Variants in JMY observed in about 807,000 individuals in gnomAD.
The protein encoded by JMY is junction mediating and regulatory protein, p53 cofactor.
JMY carries 46 observed loss-of-function variants against 103.3 expected under a neutral mutation model. That is an observed-to-expected ratio of 0.45 (90% CI 0.35 to 0.57). The LOEUF (loss-of-function observed/expected upper bound fraction) is 0.57, where lower values mean the gene tolerates loss of function less well. Ranked by LOEUF, JMY falls within the 20% of genes least tolerant of loss-of-function variation. The pLI, the probability that JMY is intolerant of heterozygous loss-of-function variation, is 0.00. For missense variants in JMY, 1,238 were observed against 1,255.2 expected (o/e 0.99, Z 0.21); for synonymous variants, 526 against 489.3 (o/e 1.07, Z -0.99).
rs946599449 is a variant in JMY, at chr5:79,260,506, G to T, written c.1033-17404G>T. 1.4e-4 allele frequency among the ~76,000 whole-genome samples: 21 copies of T among 152,046 alleles called. No individual in the cohort carries two copies. In the East Asian group the frequency reaches 4.1e-3, roughly 29 times the overall value. On this transcript the variant is annotated intron_variant, in intron 1 of 10. Transcript: ENST00000396137. Reference sequence around the variant, plus strand: ...AGCGATCCTCCCACGTCAGCCTCCTGAGTAGCTGGGAATATGGGCATGAAC... The same window carrying T: ...AGCGATCCTCCCACGTCAGCCTCCTTAGTAGCTGGGAATATGGGCATGAAC...
At chr5:79,269,979 C>T (rs558951776) in intron 1 of JMY, among the ~76,000 whole-genome samples, 1 of 152,132 alleles carries the variant, frequency 6.6e-6, no homozygotes, top group South Asian at 2.1e-4. Flanking sequence ...GATTCTCCTG[C>T]CTCTGCCTCC....
chr5:79,319,017 T>C (rs1317805920), intron 10 of JMY, among the ~76,000 whole-genome samples: 3 of 152,196 alleles, frequency 2.0e-5, no homozygotes, highest in Non-Finnish European at 4.4e-5. Flanking sequence ...TTCACATAAA[T>C]GTGTGTTTAG....
At chr5:79,289,414 T>C (rs1179514826) in intron 2 of JMY, among the ~76,000 whole-genome samples, 2 of 152,094 alleles carry the variant, frequency 1.3e-5, no homozygotes, top group Non-Finnish European at 2.9e-5. Context: ...ATTGGCTTCA[T>C]ATATAACTTG....
In JMY at chr5:79,306,445, A is replaced by C. The variant is rs1343850731; in HGVS notation, c.1952A>C (p.His651Pro). 1.2e-6 allele frequency: 2 copies of C among 1,611,064 alleles called. No homozygotes were observed. The highest frequency in any genetic ancestry group is 1.7e-6 in the Non-Finnish European group (2 of 1,177,562). Residue 651 changes from histidine to proline, a missense_variant, in exon 7 of 11, where the codon CAT becomes CCT. Physicochemically the swap from His to Pro is moderately conservative, Grantham distance 77 (BLOSUM62 -2). Coordinates refer to ENST00000396137, the MANE Select transcript of JMY (RefSeq NM_152405.5). ...RTRIEDEYRT[H>P]HTVQLKREKL... ...CGGATTGAAGATGAATATAGAACCC[A>C]TCACACAGTACAACTAGTAAGTTTG... is the stretch of plus-strand genomic sequence containing the variant.
chr5:79,301,397 C>T (rs760399627), intron 6 of JMY, among the ~76,000 whole-genome samples: 2 of 152,182 alleles, frequency 1.3e-5, no homozygotes, highest in African/African-American at 4.8e-5. Context: ...AGCTCTCCAA[C>T]CTAGACCAAA....
At chr5:79,290,377 A>T in intron 3 of JMY, 106 bp downstream of exon 3, 1 of 687,238 alleles carries the variant, frequency 1.5e-6, no homozygotes, top group East Asian at 3.3e-5. Flanking sequence ...ATCACTCATA[A>T]TCCCAGCAAT....
In JMY at chr5:79,259,098, A is replaced by G. The variant is rs532736999; in HGVS notation, c.1033-18812A>G. Among the ~76,000 whole-genome samples the G allele has an allele frequency of 1.3e-4, 20 of 152,208 alleles. No homozygotes were observed. In the South Asian group the frequency reaches 3.9e-3, roughly 30 times the overall value. On this transcript the variant is annotated intron_variant, in intron 1 of 10. Coordinates refer to ENST00000396137, the MANE Select transcript of JMY (RefSeq NM_152405.5). ...GTGTTCAGCTTTCAGCAGAGAGGGTAGCTCCTCTCTGAAGCTGGTTGTCCC... is the reference window on the plus strand; with the variant it reads ...GTGTTCAGCTTTCAGCAGAGAGGGTGGCTCCTCTCTGAAGCTGGTTGTCCC...
intron 6 of JMY, among the ~76,000 whole-genome samples, chr5:79,301,512 C>T (rs902294404): frequency 1.3e-5 from 2 of 152,186 alleles, no homozygotes; most frequent in African/African-American, 4.8e-5. Context: ...TCCAAGGCTA[C>T]CACTTCCTCA....
At chr5:79,315,167 A>T (rs1452935913) in intron 9 of JMY, among the ~76,000 whole-genome samples, 1 of 152,118 alleles carries the variant, frequency 6.6e-6, no homozygotes, top group Non-Finnish European at 1.5e-5. Context: ...TTAAAAAAAT[A>T]CTCATATCAG....
intron 1 of JMY, among the ~76,000 whole-genome samples, chr5:79,257,725 C>T (rs907304202): frequency 2.0e-5 from 3 of 152,176 alleles, no homozygotes; most frequent in Admixed American, 1.3e-4. Flanking sequence ...CCTCATGCCC[C>T]TTAAAGTGCA....
intron 1 of JMY, among the ~76,000 whole-genome samples, chr5:79,248,052 C>T (rs1332360937): frequency 6.6e-6 from 1 of 151,806 alleles, no homozygotes; most frequent in East Asian, 1.9e-4. Flanking sequence ...ACCACCACAC[C>T]TGGCTAATTT....
intron 8 of JMY, 102 bp from the exon 9 acceptor site, chr5:79,314,155 G>T: frequency 1.3e-6 from 2 of 1,497,562 alleles, no homozygotes; most frequent in Non-Finnish European, 1.8e-6. Context: ...CACCACACCC[G>T]GCCACATAAC....
At chr5:79,272,683 G>T (rs903704908) in intron 1 of JMY, among the ~76,000 whole-genome samples, 6 of 152,126 alleles carry the variant, frequency 3.9e-5, no homozygotes, top group African/African-American at 1.4e-4. Context: ...TCCCAGGTTA[G>T]AGTGCAGTGG....
At chr5:79,282,987 A>G (rs796975226) in intron 2 of JMY, among the ~76,000 whole-genome samples, 21 of 149,038 alleles carry the variant, frequency 1.4e-4, no homozygotes, top group African/African-American at 5.1e-4. Flanking sequence ...AGAGAATGAT[A>G]ATAATAATAA....
intron 1 of JMY, among the ~76,000 whole-genome samples, chr5:79,256,624 G>A (rs745698140): frequency 6.6e-6 from 1 of 152,088 alleles, no homozygotes; most frequent in African/African-American, 2.4e-5. Context: ...GGCTGGTCTC[G>A]AACTGTTGGC....
intron 1 of JMY, among the ~76,000 whole-genome samples, chr5:79,271,515 T>TAGGGCA (rs1745782374): frequency 6.6e-6 from 1 of 152,144 alleles, no homozygotes; most frequent in East Asian, 1.9e-4. Context: ...GCCTGATGCA[T>TAGGGCA]TCTGTTTTGG....
rs1019313736 is a variant in JMY, at chr5:79,324,787, T to A, written c.*3185T>A. The stretch of plus-strand genomic sequence containing the variant: ...GAACTGAAATATTTCTGTAATGCAT[T>A]TTTTAAAAGGAGACTCCTAGACACA... On this transcript the variant is annotated 3_prime_UTR_variant, in exon 11 of 11. Coordinates refer to ENST00000396137, the MANE Select transcript of JMY (RefSeq NM_152405.5). 6 of 152,560 alleles carry A rather than the reference T, an allele frequency of 3.9e-5. No individual in the cohort carries two copies. Among genetic ancestry groups the A allele is most frequent in the African/African-American group, 1.4e-4 (6 of 41,458 alleles). 9.5% of individuals were successfully genotyped at this position (152,560 alleles called of 1,614,324 possible).
intron 1 of JMY, among the ~76,000 whole-genome samples, chr5:79,256,485 C>T (rs1163938971): frequency 6.6e-6 from 1 of 152,006 alleles, no homozygotes; most frequent in South Asian, 2.1e-4. Context: ...TAGTCTCGCC[C>T]CACCCCATAG....
intron 1 of JMY, among the ~76,000 whole-genome samples, chr5:79,273,051 G>T (rs570123221): frequency 1.3e-5 from 2 of 152,092 alleles, no homozygotes; most frequent in Non-Finnish European, 2.9e-5. Context: ...CAGTACAGTC[G>T]TATGATTTTT....
Sources: gnomAD v4.1 joint callset for allele counts (sites outside exome capture counted in the v4.1 genomes callset) on GRCh38, gnomAD v4.1.1 for gene constraint, MANE v1.5 for transcripts, NCBI Gene and HGNC (gene_info 2026-07-23, HGNC 2026-07-21) for gene names.